The following PM20D2 variants were observed in gnomAD, a reference collection of about 807,000 sequenced individuals.
The protein encoded by PM20D2 is xaa-Arg dipeptidase.
PM20D2 carries 33 observed loss-of-function variants against 42.9 expected under a neutral mutation model. The ratio of observed to expected loss-of-function variants is 0.77; its 90% CI spans 0.58 to 1.03. PM20D2 has a LOEUF of 1.03. Among genes scored for constraint, PM20D2 ranks in the 50% least tolerant of loss-of-function variants. PM20D2 has a pLI of 0.00. For synonymous variants in PM20D2, 250 were observed against 228.2 expected, an observed-to-expected ratio of 1.10 and a Z score of -0.86; for missense variants, 548 against 557.0, an observed-to-expected ratio of 0.98 and a Z score of 0.16.
chr6:89,125,521 C>T, the PM20D2 span, among the ~76,000 whole-genome samples: 1 of 152,048 alleles, frequency 6.6e-6, no homozygotes, highest in Non-Finnish European at 1.5e-5. Context: ...TGGCTCATGC[C>T]TGTAACCTCA....
chr6:89,162,410 T>G lies in PM20D2; in HGVS notation c.*147T>G. The G allele has an allele frequency of 1.2e-6, 1 of 816,918 alleles. No homozygotes were observed. The allele number at this position is 816,918 out of a possible 1,614,324, so 50.6% of individuals were successfully genotyped here. A position where few individuals can be genotyped will look rare whatever the true frequency, so the allele number is the denominator to read the frequency against. ...GAGGACAGGGTGTGGAGAAAACATA[T>G]TAATTACCTCATATCTAAAGTGAAA... On this transcript the variant is annotated 3_prime_UTR_variant, in exon 7 of 7. Transcript: ENST00000275072.
chr6:89,112,634 A>C, the PM20D2 span, among the ~76,000 whole-genome samples: 7,171 of 149,772 alleles, frequency 0.048, 215 homozygotes, highest in African/African-American at 0.091. Context: ...CTGGCCTTGA[A>C]CTCCTGTCCT....
the PM20D2 span, among the ~76,000 whole-genome samples, chr6:89,118,711 C>T: frequency 2.0e-5 from 3 of 152,162 alleles, no homozygotes; most frequent in South Asian, 6.2e-4. Context: ...GTTTATTGAG[C>T]GTCTACTATG....
At chr6:89,099,413 T>TATATACAC in the PM20D2 span, among the ~76,000 whole-genome samples, 10 of 140,032 alleles carry the variant, frequency 7.1e-5, no homozygotes, top group African/African-American at 2.8e-4. Flanking sequence ...CATATATATA[T>TATATACAC]ACATATATAT....
chr6:89,157,621 CT>C (rs915506024), intron 4 of PM20D2, among the ~76,000 whole-genome samples: 1 of 151,946 alleles, frequency 6.6e-6, no homozygotes, highest in African/African-American at 2.4e-5. Context: ...AGCTTAATTT[CT>C]TTTTTTTGGA....
chr6:89,148,058 A>G (rs1487262252), intron 1 of PM20D2, among the ~76,000 whole-genome samples: 6 of 143,956 alleles, frequency 4.2e-5, no homozygotes, highest in Non-Finnish European at 1.5e-5. Context: ...TCGGCTCACT[A>G]CAACCTCCGC....
At chr6:89,134,259 G>T in the PM20D2 span, among the ~76,000 whole-genome samples, 8 of 151,090 alleles carry the variant, frequency 5.3e-5, no homozygotes, top group Non-Finnish European at 7.3e-5. Context: ...AGGACCACAT[G>T]AGTAAACAAG....
the PM20D2 span, among the ~76,000 whole-genome samples, chr6:89,102,902 A>T: frequency 6.6e-6 from 1 of 152,096 alleles, no homozygotes; most frequent in Non-Finnish European, 1.5e-5. Flanking sequence ...AGTAGCTGGA[A>T]CAGGTGTGTG....
chr6:89,143,592 T>C (rs1452550359), upstream of PM20D2, among the ~76,000 whole-genome samples: 4 of 152,228 alleles, frequency 2.6e-5, no homozygotes, highest in Non-Finnish European at 4.4e-5. Flanking sequence ...TTTCCTCAGA[T>C]CCAGCACCAG....
chr6:89,113,606 G>A, the PM20D2 span, among the ~76,000 whole-genome samples: 3 of 152,062 alleles, frequency 2.0e-5, no homozygotes, highest in South Asian at 6.2e-4. Flanking sequence ...ACCGTGCCAG[G>A]CCCCAAAGAT....
chr6:89,158,812 GTTATCTGGGGCATT>G (rs1395355575), intron 5 of PM20D2, among the ~76,000 whole-genome samples: 1 of 152,186 alleles, frequency 6.6e-6, no homozygotes, highest in Admixed American at 6.5e-5. Context: ...TAAGTACTTA[GTTATCTGGGGCATT>G]TTCAGTTTCT....
intron 1 of PM20D2, among the ~76,000 whole-genome samples, chr6:89,147,604 G>A (rs1005531278): frequency 7.2e-5 from 11 of 151,980 alleles, no homozygotes. Context: ...AGTAGTCAGC[G>A]AGAGACATAT....
chr6:89,120,739 G>T, the PM20D2 span, among the ~76,000 whole-genome samples: 1 of 152,048 alleles, frequency 6.6e-6, no homozygotes, highest in Non-Finnish European at 1.5e-5. Flanking sequence ...CAACCATGGT[G>T]GCACATGCTT....
chr6:89,133,482 G>C, the PM20D2 span, among the ~76,000 whole-genome samples: 2 of 151,010 alleles, frequency 1.3e-5, no homozygotes, highest in Admixed American at 1.3e-4. Context: ...GCTGCATAGA[G>C]TGGCAGTCAG....
At chr6:89,107,182 G>A in the PM20D2 span, 17 of 1,613,912 alleles carry the variant, frequency 1.1e-5, no homozygotes, top group Non-Finnish European at 1.4e-5. Flanking sequence ...CTTGGGCGGC[G>A]AGTGTAGAAG....
At chr6:89,109,355 G>A in the PM20D2 span, among the ~76,000 whole-genome samples, 2 of 152,008 alleles carry the variant, frequency 1.3e-5, no homozygotes, top group South Asian at 4.1e-4. Flanking sequence ...GTAGCTGCTG[G>A]GCACACAGTA....
chr6:89,125,192 T>C, the PM20D2 span, among the ~76,000 whole-genome samples: 1 of 152,168 alleles, frequency 6.6e-6, no homozygotes, highest in Non-Finnish European at 1.5e-5. Context: ...TTTTAAAAAG[T>C]ATTTCTCACC....
At chr6:89,161,699 C>G in intron 5 of PM20D2, 84 bp from the exon 6 acceptor site, 1 of 1,069,040 alleles carries the variant, frequency 9.4e-7, no homozygotes, top group East Asian at 2.4e-5. Flanking sequence ...TGCGTCTCTT[C>G]TAACAGGGAC....
At chr6:89,157,807 C>T (rs1465587067) in intron 4 of PM20D2, among the ~76,000 whole-genome samples, 1 of 151,918 alleles carries the variant, frequency 6.6e-6, no homozygotes, top group Non-Finnish European at 1.5e-5. Flanking sequence ...GAGTTTGAGG[C>T]CAGCCTGGCC....
Sources: gnomAD v4.1 joint callset for allele counts (sites outside exome capture counted in the v4.1 genomes callset) on GRCh38, gnomAD v4.1.1 for gene constraint, MANE v1.5 for transcripts, NCBI Gene and HGNC (gene_info 2026-07-23, HGNC 2026-07-21) for gene names.